Variants in CFAP20DC observed in about 807,000 individuals in gnomAD.
CFAP20DC encodes the protein CFAP20 domain containing.
Under a neutral mutation model 101.7 loss-of-function variants are expected in CFAP20DC, and 84 were observed. That is an observed-to-expected ratio of 0.83 (90% confidence interval 0.69 to 0.99). The LOEUF is 0.99. CFAP20DC is among the 50% of genes least tolerant of loss of function. The pLI, the probability that CFAP20DC is intolerant of heterozygous loss-of-function variation, is 0.00. For missense variants in CFAP20DC, 1,007 were observed against 970.3 expected (o/e 1.04, Z -0.50); for synonymous variants, 359 against 351.2 (o/e 1.02, Z -0.25).
Position 59,001,080 on chromosome 3 carries a change from T to C in CFAP20DC, c.278+38477A>G, listed in dbSNP as rs569371198. ...TACTAAAATAGGGTGCATATTGGAA[T>C]TACAGCAGTAAGAGTTAGTAAAGAG... is the stretch of plus-strand genomic sequence containing the variant. On this transcript the variant is annotated intron_variant, in intron 4 of 16. Transcript: ENST00000482387. This position sits in a 1 kb window ranked among gnomAD's most constrained non-coding sequence, Gnocchi z 4.5. Among the ~76,000 whole-genome samples the C allele has an allele frequency of 2.0e-5, 3 of 152,194 alleles. No individual in the cohort carries two copies. The highest frequency in any genetic ancestry group is 4.2e-4 in the South Asian group (2 of 4,816).
chr3:58,828,840 T>G (rs1486805078), intron 14 of CFAP20DC, among the ~76,000 whole-genome samples: 1 of 151,288 alleles, frequency 6.6e-6, no homozygotes, highest in Non-Finnish European at 1.5e-5. Flanking sequence ...GTCATGGGAT[T>G]AAGGGGAAAA....
At chr3:58,968,410 G>T (rs1294402162) in intron 4 of CFAP20DC, among the ~76,000 whole-genome samples, 2 of 152,090 alleles carry the variant, frequency 1.3e-5, no homozygotes, top group African/African-American at 4.8e-5. Context: ...ATTCTGAGTG[G>T]TGTGAGATGG....
chr3:58,809,880 G>C (rs572638077), intron 14 of CFAP20DC, among the ~76,000 whole-genome samples: 26 of 152,168 alleles, frequency 1.7e-4, no homozygotes, highest in African/African-American at 5.1e-4. Flanking sequence ...TATCACCACC[G>C]ATCCCTCAGA....
At chr3:59,003,625 TAA>T (rs2093365231) in intron 4 of CFAP20DC, among the ~76,000 whole-genome samples, 2 of 152,176 alleles carry the variant, frequency 1.3e-5, no homozygotes. Flanking sequence ...GACAAAAGTC[TAA>T]AGACATCTGT....
chr3:58,786,319 CAG>C (rs994140909), intron 15 of CFAP20DC, among the ~76,000 whole-genome samples: 6 of 152,100 alleles, frequency 3.9e-5, no homozygotes, highest in East Asian at 1.9e-4. Flanking sequence ...ATCAAAAACA[CAG>C]AGTCTCTGCT....
At position 58,933,522 on chromosome 3, in the gene CFAP20DC, G is replaced by A. The variant is rs560869509; in HGVS notation, c.393+4126C>T. 2.8e-3 allele frequency among the ~76,000 whole-genome samples: 430 copies of A among 152,298 alleles called. 4 individuals are homozygous for A. The highest frequency in any genetic ancestry group is 1.0e-2 in the African/African-American group (415 of 41,542). The stretch of plus-strand genomic sequence containing the variant: ...TCCAAAATTGACCACATAGTTGGAA[G>A]TAAAGCTCTCCTCAGCAAATGTAAA... On this transcript the variant is annotated intron_variant, in intron 5 of 16. Coordinates refer to ENST00000482387, the MANE Select transcript of CFAP20DC (RefSeq NM_001394063.1).
intron 4 of CFAP20DC, among the ~76,000 whole-genome samples, chr3:58,940,706 G>A (rs1377340390): frequency 6.6e-6 from 1 of 152,112 alleles, no homozygotes; most frequent in Non-Finnish European, 1.5e-5. Flanking sequence ...AGTAAGTCTT[G>A]AAACCAGGTA....
intron 6 of CFAP20DC, among the ~76,000 whole-genome samples, chr3:58,904,174 T>G (rs1332171503): frequency 6.6e-6 from 1 of 152,176 alleles, no homozygotes; most frequent in Non-Finnish European, 1.5e-5. Context: ...TTTGTAGTTT[T>G]CAGTGTACTT....
chr3:58,737,488 C>T (rs1326132589), downstream of CFAP20DC, among the ~76,000 whole-genome samples: 1 of 152,088 alleles, frequency 6.6e-6, no homozygotes, highest in Non-Finnish European at 1.5e-5. The surrounding 1 kb of genome is among the most constrained non-coding windows in gnomAD (Gnocchi z 4.1). Flanking sequence ...GGATAAAACC[C>T]TTGAGATGTT....
intron 4 of CFAP20DC, among the ~76,000 whole-genome samples, chr3:58,995,100 T>C (rs1029828678): frequency 5.3e-5 from 8 of 152,222 alleles, no homozygotes; most frequent in African/African-American, 1.7e-4. Flanking sequence ...GCACTACCTA[T>C]ATCCCTTTTT....
chr3:58,900,400 G>C (rs1033358496), intron 6 of CFAP20DC, among the ~76,000 whole-genome samples: 2 of 152,132 alleles, frequency 1.3e-5, no homozygotes, highest in African/African-American at 4.8e-5. Context: ...GCTATATCCT[G>C]AAAAGTACTC....
chr3:59,047,331 T>C, intron 1 of CFAP20DC, 77 bp from the exon 2 acceptor site: 1 of 951,364 alleles, frequency 1.1e-6, no homozygotes, highest in South Asian at 1.6e-5. Flanking sequence ...ATAACCAGTG[T>C]TCCCGGCATC....
intron 5 of CFAP20DC, among the ~76,000 whole-genome samples, chr3:58,926,457 C>T (rs764190521): frequency 6.6e-6 from 1 of 152,146 alleles, no homozygotes; most frequent in African/African-American, 2.4e-5. Context: ...CAATCAAGTA[C>T]CATCAACATT....
At chr3:58,742,968 G>T (rs2067960976) in intron 16 of CFAP20DC, among the ~76,000 whole-genome samples, 2 of 152,154 alleles carry the variant, frequency 1.3e-5, no homozygotes, top group African/African-American at 4.8e-5. Context: ...ATGCAAAACA[G>T]TGCAAACTAA....
chr3:58,991,723 C>A (rs541012232), intron 4 of CFAP20DC, among the ~76,000 whole-genome samples: 1 of 152,172 alleles, frequency 6.6e-6, no homozygotes, highest in Non-Finnish European at 1.5e-5. Flanking sequence ...TGCTCTCCTA[C>A]GAGAATCTAA....
intron 15 of CFAP20DC, among the ~76,000 whole-genome samples, chr3:58,762,054 T>C (rs1386068350): frequency 6.6e-5 from 10 of 152,158 alleles, no homozygotes; most frequent in South Asian, 2.1e-4. Flanking sequence ...CTATTAGGTC[T>C]GCTTGGTGCA....
intron 12 of CFAP20DC, chr3:58,862,810 A>C: frequency 1.0e-6 from 1 of 985,020 alleles, no homozygotes; most frequent in Non-Finnish European, 1.2e-6. Flanking sequence ...TTTTCCAGAA[A>C]GTATGAATGA....
chr3:58,989,649 G>C (rs1217487448), intron 4 of CFAP20DC, among the ~76,000 whole-genome samples: 1 of 152,090 alleles, frequency 6.6e-6, no homozygotes, highest in African/African-American at 2.4e-5. Flanking sequence ...TACTGCTTTA[G>C]ATAAAATAAA....
intron 4 of CFAP20DC, among the ~76,000 whole-genome samples, chr3:59,021,706 A>G (rs2093806374): frequency 6.6e-6 from 1 of 152,114 alleles, no homozygotes. Flanking sequence ...GTCCATATGC[A>G]CAATGGTAAG....
Sources: allele counts gnomAD v4.1 joint callset (sites outside exome capture counted in the v4.1 genomes callset), GRCh38; gene constraint gnomAD v4.1.1; non-coding constraint Gnocchi (gnomAD v3.1); transcripts MANE v1.5; gene names NCBI Gene and HGNC (gene_info 2026-07-23, HGNC 2026-07-21).